TECRL: variants seen among roughly 807,000 people sequenced by gnomAD.
The protein encoded by TECRL is trans-2,3-enoyl-CoA reductase-like.
In TECRL, 63 loss-of-function variants were observed where a neutral mutation model predicts 52.8. The observed-to-expected ratio is 1.19, with a 90% confidence interval of 0.97 to 1.47. The LOEUF is 1.47. Among genes scored for constraint, TECRL ranks in the 40% most tolerant of loss-of-function variants. The pLI is 0.00. For missense variants in TECRL, 482 were observed against 429.6 expected (o/e 1.12, Z -1.08); for synonymous variants, 164 against 141.9 (o/e 1.16, Z -1.10).
intron 2 of TECRL, among the ~76,000 whole-genome samples, chr4:64,338,137 A>G (rs901452323): frequency 6.6e-6 from 1 of 152,122 alleles, no homozygotes; most frequent in African/African-American, 2.4e-5. Context: ...ACACATCTAC[A>G]ACTATCTGAT....
chr4:64,329,620 T>A, intron 2 of TECRL, among the ~76,000 whole-genome samples: 1 of 151,934 alleles, frequency 6.6e-6, no homozygotes, highest in East Asian at 1.9e-4. Context: ...GAAAATATGT[T>A]ATTTTCCTAA....
intron 6 of TECRL, 59 bp from the exon 7 acceptor site, chr4:64,305,297 T>A: frequency 6.8e-7 from 1 of 1,471,672 alleles, no homozygotes; most frequent in Non-Finnish European, 9.4e-7. Flanking sequence ...ATATTTCAAT[T>A]GTGACATACA....
At chr4:64,298,023 T>C (rs1481003116) in intron 8 of TECRL, among the ~76,000 whole-genome samples, 1 of 151,234 alleles carries the variant, frequency 6.6e-6, no homozygotes, top group Non-Finnish European at 1.5e-5. Context: ...TATAACTACA[T>C]TCAATTTTTT....
intron 1 of TECRL, among the ~76,000 whole-genome samples, chr4:64,389,535 T>C (rs1481854719): frequency 2.6e-5 from 4 of 151,956 alleles, no homozygotes; most frequent in Non-Finnish European, 5.9e-5. Flanking sequence ...TTGTTGAGAA[T>C]TGTTACATCT....
chr4:64,337,896 A>G (rs1267155154), intron 2 of TECRL, among the ~76,000 whole-genome samples: 2 of 152,194 alleles, frequency 1.3e-5, no homozygotes, highest in Non-Finnish European at 2.9e-5. Flanking sequence ...CCATCAAGCA[A>G]TCAATGACTT....
intron 8 of TECRL, among the ~76,000 whole-genome samples, chr4:64,297,513 A>C (rs923796817): frequency 6.6e-6 from 1 of 150,908 alleles, no homozygotes; most frequent in Non-Finnish European, 1.5e-5. Flanking sequence ...TCGATCCATT[A>C]ATTTCTCCTT....
At chr4:64,293,452 C>T (rs1263475123) in intron 8 of TECRL, among the ~76,000 whole-genome samples, 1 of 151,884 alleles carries the variant, frequency 6.6e-6, no homozygotes, top group Non-Finnish European at 1.5e-5. Flanking sequence ...AAAAAATACA[C>T]CCTGTTAAAT....
At chr4:64,325,971 G>C (rs1415985259) in intron 3 of TECRL, among the ~76,000 whole-genome samples, 1 of 152,072 alleles carries the variant, frequency 6.6e-6, no homozygotes, top group African/African-American at 2.4e-5. Flanking sequence ...CAAAGGGAGA[G>C]GAATATATAG....
chr4:64,328,394 A>T, intron 3 of TECRL, 118 bp downstream of exon 3: 1 of 758,318 alleles, frequency 1.3e-6, no homozygotes, highest in Non-Finnish European at 2.1e-6. Context: ...TTGTTGGGCG[A>T]ATCAATTAAA....
At chr4:64,377,263 T>G (rs938171139) in intron 1 of TECRL, among the ~76,000 whole-genome samples, 2 of 152,006 alleles carry the variant, frequency 1.3e-5, no homozygotes, top group Non-Finnish European at 2.9e-5. Flanking sequence ...AACTACTAAA[T>G]GATTGAGACA....
intron 1 of TECRL, among the ~76,000 whole-genome samples, chr4:64,407,114 A>C (rs1255437238): frequency 1.3e-5 from 2 of 152,022 alleles, no homozygotes; most frequent in Admixed American, 6.6e-5. Context: ...ACACAGCAAG[A>C]TCCACTTCTA....
At chr4:64,367,687 T>A (rs566941142) in intron 2 of TECRL, among the ~76,000 whole-genome samples, 3 of 152,100 alleles carry the variant, frequency 2.0e-5, no homozygotes, top group African/African-American at 7.2e-5. Context: ...AAAATCATAA[T>A]GATCTTTTGT....
rs202098686 is a variant in TECRL, at chr4:64,297,441, C to CA, written c.774+2532dup. 9.0e-3 allele frequency among the ~76,000 whole-genome samples: 1,351 copies of CA among 150,764 alleles called. 18 individuals are homozygous for CA. Among genetic ancestry groups the CA allele is most frequent in the African/African-American group, 0.031 (1,280 of 41,428 alleles). Reference sequence around the variant, plus strand: ...TTTTGTTAATATAACGTTTTATCAGCAAAAAAATAGCATTTACAATTAAGA... The same window carrying CA: ...TTTTGTTAATATAACGTTTTATCAGCAAAAAAAATAGCATTTACAATTAAGA... On this transcript the variant is annotated intron_variant, in intron 8 of 11. Transcript: ENST00000381210.
chr4:64,277,487 T>G (rs1722613530), downstream of TECRL, among the ~76,000 whole-genome samples: 2 of 151,858 alleles, frequency 1.3e-5, no homozygotes, highest in African/African-American at 4.8e-5. Flanking sequence ...TGTTATTGTT[T>G]TCTCCTTAGA....
chr4:64,339,158 T>A (rs1343999698), intron 2 of TECRL, among the ~76,000 whole-genome samples: 1 of 151,650 alleles, frequency 6.6e-6, no homozygotes, highest in African/African-American at 2.4e-5. Flanking sequence ...CTGGAAACCA[T>A]CATTCTCAGC....
intron 1 of TECRL, among the ~76,000 whole-genome samples, chr4:64,382,402 T>C (rs1380854647): frequency 6.7e-6 from 1 of 149,462 alleles, no homozygotes; most frequent in Non-Finnish European, 1.5e-5. Flanking sequence ...TAGGTGTTTG[T>C]TGTTAGTGTA....
intron 7 of TECRL, among the ~76,000 whole-genome samples, chr4:64,301,106 T>C (rs1444578209): frequency 1.3e-5 from 2 of 150,898 alleles, no homozygotes; most frequent in Non-Finnish European, 3.0e-5. Flanking sequence ...GTCTTGTTTT[T>C]ATGAAGTTTA....
chr4:64,361,395 C>T (rs145835680), intron 2 of TECRL, among the ~76,000 whole-genome samples: 2,288 of 152,180 alleles, frequency 0.015, 72 homozygotes, highest in African/African-American at 0.052. Context: ...GACCGTCTGC[C>T]GCCACCTATC....
chr4:64,401,993 T>C (rs756677703), intron 1 of TECRL, among the ~76,000 whole-genome samples: 2 of 152,156 alleles, frequency 1.3e-5, no homozygotes, highest in Non-Finnish European at 2.9e-5. Context: ...TCACTTTTCA[T>C]TGGTCTAAAA....
Sources: allele counts gnomAD v4.1 joint callset (sites outside exome capture counted in the v4.1 genomes callset), GRCh38; gene constraint gnomAD v4.1.1; transcripts MANE v1.5; gene names NCBI Gene and HGNC (gene_info 2026-07-23, HGNC 2026-07-21).